Variants in PALLD observed in about 807,000 individuals in gnomAD.
PALLD encodes the protein palladin, cytoskeletal associated protein.
PALLD carries 61 observed loss-of-function variants against 123.5 expected under a neutral mutation model. That is an observed-to-expected ratio of 0.49 (90% CI 0.40 to 0.61). The LOEUF (loss-of-function observed/expected upper bound fraction) is 0.61, where lower values mean the gene tolerates loss of function less well. Ranked by LOEUF, PALLD falls within the 20% of genes least tolerant of loss-of-function variation. PALLD has a pLI of 0.00. For missense variants in PALLD, 1,273 were observed against 1,377.0 expected (o/e 0.92, Z 1.20); for synonymous variants, 465 against 496.4 (o/e 0.94, Z 0.84).
chr4:168,764,072 T>A (rs1022789716), intron 10 of PALLD, among the ~76,000 whole-genome samples: 12 of 152,128 alleles, frequency 7.9e-5, no homozygotes, highest in African/African-American at 1.4e-4. Context: ...GATATAAATA[T>A]GGGAAGAAAA....
intron 15 of PALLD, among the ~76,000 whole-genome samples, chr4:168,909,242 G>A (rs1758415870): frequency 6.6e-6 from 1 of 152,232 alleles, no homozygotes; most frequent in East Asian, 1.9e-4. Flanking sequence ...CTTGGATTTT[G>A]GAATGGCTAT....
chr4:168,696,686 A>G (rs1438688048), intron 8 of PALLD, among the ~76,000 whole-genome samples: 1 of 147,126 alleles, frequency 6.8e-6, no homozygotes, highest in African/African-American at 2.6e-5. Context: ...ATGAAAAGCT[A>G]GAAAAAAAAA....
At chr4:168,768,858 A>T (rs1734033591) in intron 10 of PALLD, among the ~76,000 whole-genome samples, 1 of 149,532 alleles carries the variant, frequency 6.7e-6, no homozygotes, top group Non-Finnish European at 1.5e-5. Context: ...ATTTTAGTAG[A>T]GATGGGATTT....
chr4:168,501,552 G>C (rs1761405065), intron 1 of PALLD, among the ~76,000 whole-genome samples: 1 of 152,178 alleles, frequency 6.6e-6, no homozygotes, highest in Non-Finnish European at 1.5e-5. Context: ...ACAATTCAAG[G>C]TTGATAGGAT....
At chr4:168,643,905 C>G (rs990702387) in intron 2 of PALLD, among the ~76,000 whole-genome samples, 6 of 152,012 alleles carry the variant, frequency 3.9e-5, no homozygotes, top group African/African-American at 1.5e-4. Flanking sequence ...AAGTAGTTTG[C>G]AAAAATTCAT....
intron 10 of PALLD, among the ~76,000 whole-genome samples, chr4:168,794,506 GCA>G (rs57496563): frequency 0.022 from 3,190 of 143,580 alleles, 35 homozygotes; most frequent in African/African-American, 0.049. Flanking sequence ...ACACACACAC[GCA>G]CACACACACA....
intron 2 of PALLD, among the ~76,000 whole-genome samples, chr4:168,605,104 T>C (rs953088844): frequency 2.0e-5 from 3 of 152,136 alleles, no homozygotes; most frequent in African/African-American, 7.2e-5. Flanking sequence ...GGTAATTAAC[T>C]GAGCTCCAAA....
chr4:168,919,218 CT>C (rs1760898118), intron 17 of PALLD, among the ~76,000 whole-genome samples: 1 of 152,026 alleles, frequency 6.6e-6, no homozygotes. Flanking sequence ...ATGATCTGAC[CT>C]GGATAAAGAA....
chr4:168,926,865 AGAG>A lies in PALLD; in HGVS notation c.*686_*688del, dbSNP rs1762638722. ...TGCAATATGTAAGGATGAAAGAAGA[AGAG>A]ATGACAAAGAAATCCAAGTAAATGC... On this transcript the variant is annotated 3_prime_UTR_variant, in exon 22 of 22. Transcript: ENST00000505667. 4.5e-6 allele frequency: 1 copy of A among 220,690 alleles called. No individual in the cohort carries two copies. The highest frequency in any genetic ancestry group is 2.2e-5 in the African/African-American group (1 of 44,692). 13.7% of individuals were successfully genotyped at this position (220,690 alleles called of 1,614,324 possible).
At chr4:168,678,353 A>T (rs1269494599) in intron 3 of PALLD, among the ~76,000 whole-genome samples, 1 of 152,070 alleles carries the variant, frequency 6.6e-6, no homozygotes, top group East Asian at 1.9e-4. Context: ...CATATGCAAA[A>T]ATTGGTAGTT....
chr4:168,700,823 A>G (rs925231110), intron 8 of PALLD: 1 of 152,178 alleles, frequency 6.6e-6, no homozygotes. Context: ...TGATCATGCC[A>G]CTTCACTCCA....
chr4:168,681,419 C>T (rs1350502789), intron 4 of PALLD, 21 bp downstream of exon 4: 2 of 1,478,012 alleles, frequency 1.4e-6, no homozygotes, highest in East Asian at 2.3e-5. Context: ...ACAATTCCAT[C>T]GATTATGTGG....
At chr4:168,895,412 G>A (rs886813842) in intron 12 of PALLD, among the ~76,000 whole-genome samples, 1 of 152,098 alleles carries the variant, frequency 6.6e-6, no homozygotes, top group Non-Finnish European at 1.5e-5. Context: ...ACACATATAC[G>A]ACTTTTGACT....
At chr4:168,498,851 A>G (rs1487309205) in intron 1 of PALLD, among the ~76,000 whole-genome samples, 4 of 152,240 alleles carry the variant, frequency 2.6e-5, no homozygotes, top group African/African-American at 7.2e-5. Flanking sequence ...TTTGCAATGG[A>G]CTCAGTATGG....
intron 10 of PALLD, among the ~76,000 whole-genome samples, chr4:168,798,587 C>T (rs1738851103): frequency 6.6e-6 from 1 of 152,144 alleles, no homozygotes; most frequent in African/African-American, 2.4e-5. Flanking sequence ...GTGAAAAACA[C>T]AGAGGAAATT....
At chr4:168,647,090 A>G (rs1777536855) in intron 2 of PALLD, among the ~76,000 whole-genome samples, 1 of 152,266 alleles carries the variant, frequency 6.6e-6, no homozygotes, top group Non-Finnish European at 1.5e-5. Context: ...AAAATAAAAA[A>G]TAGTTATCTT....
At chr4:168,652,046 A>T (rs1454674187) in intron 2 of PALLD, among the ~76,000 whole-genome samples, 2 of 152,112 alleles carry the variant, frequency 1.3e-5, no homozygotes, top group African/African-American at 4.8e-5. Flanking sequence ...TCAGGAGGGT[A>T]GGCTCTGAGG....
chr4:168,660,857 T>A (rs959144095), intron 2 of PALLD, among the ~76,000 whole-genome samples: 3 of 152,230 alleles, frequency 2.0e-5, no homozygotes, highest in Admixed American at 6.5e-5. Context: ...TATACCCAAC[T>A]TTGAAAGATT....
At chr4:168,747,255 T>C (rs1373970709) in intron 10 of PALLD, among the ~76,000 whole-genome samples, 3 of 152,162 alleles carry the variant, frequency 2.0e-5, no homozygotes, top group Non-Finnish European at 2.9e-5. Context: ...CACAGAGGCA[T>C]GTGGGAGAAG....
Sources: allele counts gnomAD v4.1 joint callset (sites outside exome capture counted in the v4.1 genomes callset), GRCh38; gene constraint gnomAD v4.1.1; transcripts MANE v1.5; gene names NCBI Gene and HGNC (gene_info 2026-07-23, HGNC 2026-07-21).